The following TNFSF8 variants were observed in gnomAD, a reference collection of about 807,000 sequenced individuals.
The protein encoded by TNFSF8 is TNF superfamily member 8, also known as tumor necrosis factor ligand superfamily member 8.
A neutral mutation model predicts 22.0 loss-of-function variants in TNFSF8; 4 were observed. That is an observed-to-expected ratio of 0.18 (90% CI 0.09 to 0.42). The LOEUF is 0.42. TNFSF8 is among the 10% of genes least tolerant of loss of function. The pLI, the probability that TNFSF8 is intolerant of heterozygous loss-of-function variation, is 1.00. For synonymous variants in TNFSF8, 106 were observed against 112.5 expected (o/e 0.94, Z 0.37); for missense variants, 233 against 281.8 (o/e 0.83, Z 1.24).
intron 2 of TNFSF8, among the ~76,000 whole-genome samples, chr9:114,910,013 C>T (rs984118552): frequency 2.6e-5 from 4 of 152,194 alleles, no homozygotes; most frequent in African/African-American, 9.7e-5. Context: ...GACCAGGGCT[C>T]CTTACTCTTT....
In TNFSF8 at chr9:114,904,110, C is replaced by G; in HGVS notation, c.526G>C (p.Val176Leu). 6.2e-7 allele frequency: 1 copy of G among 1,614,140 alleles called. No homozygotes were observed. The highest frequency in any genetic ancestry group is 8.5e-7 in the Non-Finnish European group (1 of 1,179,984). Residue 176 changes from valine (V) to leucine (L), a missense_variant, in exon 4 of 4, where the codon GTG becomes CTG. Physicochemically the swap from Val to Leu is conservative, Grantham distance 32. Transcript: ENST00000223795. ...TTCGTTTGCATTCCAGACTCACACA[C>G]TGTCACCAGGGCCTGTTTTTTGATA... ...KHIKKQALVTVCESGMQTKHV... is the reference protein window; with the variant it reads ...KHIKKQALVTLCESGMQTKHV...
intron 1 of TNFSF8, among the ~76,000 whole-genome samples, chr9:114,927,968 C>CT (rs964970072): frequency 8.5e-4 from 126 of 148,810 alleles, no homozygotes; most frequent in African/African-American, 2.3e-3. Flanking sequence ...GAAAATGATG[C>CT]TTTTTTTTTT....
chr9:114,929,991 T>G, intron 1 of TNFSF8, 118 bp downstream of exon 1: 1 of 529,044 alleles, frequency 1.9e-6, no homozygotes, highest in Non-Finnish European at 3.1e-6. Flanking sequence ...GAGAGAGAGT[T>G]TATTTATTTA....
chr9:114,894,492 T>G (rs1185451283), intron 4 of TNFSF8, among the ~76,000 whole-genome samples: 1 of 152,058 alleles, frequency 6.6e-6, no homozygotes, highest in Non-Finnish European at 1.5e-5. Context: ...GGTAGTGCAG[T>G]GTAGTGTGGT....
At chr9:114,924,402 C>A (rs932511916) in intron 1 of TNFSF8, among the ~76,000 whole-genome samples, 1 of 152,022 alleles carries the variant, frequency 6.6e-6, no homozygotes, top group Non-Finnish European at 1.5e-5. Flanking sequence ...AAATATGGAC[C>A]ATATATTATT....
chr9:114,904,894 C>T (rs550962653), intron 3 of TNFSF8, among the ~76,000 whole-genome samples: 2 of 152,180 alleles, frequency 1.3e-5, no homozygotes, highest in African/African-American at 2.4e-5. Flanking sequence ...TATCCTCTAA[C>T]GGTTCATTGT....
intron 1 of TNFSF8, among the ~76,000 whole-genome samples, chr9:114,922,166 G>A (rs1827996769): frequency 6.6e-6 from 1 of 152,208 alleles, no homozygotes; most frequent in South Asian, 2.1e-4. Context: ...TTAATGATGT[G>A]CTTAATTTGC....
chr9:114,900,222 A>G (rs1400695311), downstream of TNFSF8, among the ~76,000 whole-genome samples: 2 of 152,206 alleles, frequency 1.3e-5, no homozygotes, highest in Non-Finnish European at 2.9e-5. Context: ...AGCTGGCAGA[A>G]TCTGTCAGAC....
At chr9:114,922,308 T>C (rs111469557) in intron 1 of TNFSF8, among the ~76,000 whole-genome samples, 2 of 152,326 alleles carry the variant, frequency 1.3e-5, no homozygotes, top group East Asian at 1.9e-4. Context: ...GTTTGGAATA[T>C]GCCAGGGGAA....
At chr9:114,906,588 C>T (rs1245698785) in intron 2 of TNFSF8, among the ~76,000 whole-genome samples, 13 of 152,020 alleles carry the variant, frequency 8.6e-5, no homozygotes, top group East Asian at 1.9e-4. Flanking sequence ...TGCTAGACAA[C>T]GAAGATAAAA....
At position 114,902,860 on chromosome 9, in the gene TNFSF8, A is replaced by T. The variant is rs1827733601; in HGVS notation, c.*1071T>A. 1 of 701,308 alleles carries T rather than the reference A, an allele frequency of 1.4e-6. No individual in the cohort carries two copies. The highest frequency in any genetic ancestry group is 6.4e-5 in the South Asian group (1 of 15,552). The allele number at this position is 701,308 out of a possible 1,614,324, so 43.4% of individuals were successfully genotyped here. A position where few individuals can be genotyped will look rare whatever the true frequency, so the allele number is the denominator to read the frequency against. ...AGGTATAGTGAATTCTTATAATTTT[A>T]TGTTGCCTTGGCAACCATTTTGTAT... On this transcript the variant is annotated 3_prime_UTR_variant, in exon 4 of 4. Coordinates refer to ENST00000223795, the MANE Select transcript of TNFSF8 (RefSeq NM_001244.4).
At chr9:114,913,001 A>T (rs767330316) in intron 2 of TNFSF8, among the ~76,000 whole-genome samples, 1 of 152,218 alleles carries the variant, frequency 6.6e-6, no homozygotes, top group Non-Finnish European at 1.5e-5. Flanking sequence ...ATCAAAGCAA[A>T]ATCCATCTCA....
Position 114,930,324 on chromosome 9 carries a change from C to A in TNFSF8, c.-21G>T. On this transcript the variant is annotated 5_prime_UTR_variant, in exon 1 of 4. The change abolishes an upstream ATG in the 5' untranslated region. Coordinates refer to ENST00000223795, the MANE Select transcript of TNFSF8 (RefSeq NM_001244.4). Reference sequence around the variant, plus strand: ...TCCATTCTTTATATAGTCTTCCCCACATCACACCTTATCTCTCTTCATCTG... The same window carrying A: ...TCCATTCTTTATATAGTCTTCCCCAAATCACACCTTATCTCTCTTCATCTG... 1 of 1,477,062 alleles carries A rather than the reference C, an allele frequency of 6.8e-7. No individual in the cohort carries two copies. The highest frequency in any genetic ancestry group is 2.3e-5 in the Admixed American group (1 of 43,780). 91.5% of individuals were successfully genotyped at this position (1,477,062 alleles called of 1,614,324 possible).
At chr9:114,894,162 A>C (rs1229549441) in exon 5 of TNFSF8, 3 of 1,534,200 alleles carry the variant, frequency 2.0e-6, no homozygotes, top group Non-Finnish European at 2.6e-6. Flanking sequence ...ATGCCACAGT[A>C]ATCTGGAAGA....
chr9:114,928,322 G>T (rs1198097910), intron 1 of TNFSF8, among the ~76,000 whole-genome samples: 1 of 152,154 alleles, frequency 6.6e-6, no homozygotes, highest in Non-Finnish European at 1.5e-5. Flanking sequence ...AAGCAGTATT[G>T]GCTCTACCAC....
At chr9:114,918,182 A>T (rs2131347215) in intron 1 of TNFSF8, 44 bp from the exon 2 acceptor site, 1 of 1,564,466 alleles carries the variant, frequency 6.4e-7, no homozygotes, top group Admixed American at 2.0e-5. Context: ...TGTGACATTC[A>T]GTTGAAACAA....
intron 1 of TNFSF8, among the ~76,000 whole-genome samples, chr9:114,921,337 T>C (rs1368127265): frequency 6.6e-6 from 1 of 152,146 alleles, no homozygotes; most frequent in Non-Finnish European, 1.5e-5. Context: ...AGAGGGAGAT[T>C]GAGACATCTT....
At chr9:114,924,567 C>A (rs10982454) in intron 1 of TNFSF8, among the ~76,000 whole-genome samples, 54,771 of 151,892 alleles carry the variant, frequency 0.36, 10,396 homozygotes, top group Admixed American at 0.45. Context: ...AAAAATACAG[C>A]AAGATATTGA....
chr9:114,918,178 A>G, intron 1 of TNFSF8, 40 bp from the exon 2 acceptor site: 1 of 1,575,514 alleles, frequency 6.3e-7, no homozygotes, highest in Non-Finnish European at 8.6e-7. Context: ...GAGGTGTGAC[A>G]TTCAGTTGAA....
Sources: allele counts gnomAD v4.1 joint callset (sites outside exome capture counted in the v4.1 genomes callset), GRCh38; gene constraint gnomAD v4.1.1; transcripts MANE v1.5; gene names NCBI Gene and HGNC (gene_info 2026-07-23, HGNC 2026-07-21).